NFIB: variants seen among roughly 807,000 people sequenced by gnomAD.
NFIB encodes the protein nuclear factor I B.
Under a neutral mutation model 61.5 loss-of-function variants are expected in NFIB, and 11 were observed. The ratio of observed to expected loss-of-function variants is 0.18; its 90% CI spans 0.11 to 0.30. The LOEUF is 0.30. Ranked by LOEUF, NFIB falls within the 10% of genes least tolerant of loss-of-function variation. NFIB has a pLI of 1.00. For synonymous variants in NFIB, 260 were observed against 216.5 expected, an observed-to-expected ratio of 1.20 and a Z score of -1.76; for missense variants, 471 against 608.9, an observed-to-expected ratio of 0.77 and a Z score of 2.38.
chr9:14,499,964 A>G, the NFIB span, among the ~76,000 whole-genome samples: 1 of 152,188 alleles, frequency 6.6e-6, no homozygotes, highest in African/African-American at 2.4e-5. Context: ...ATGAGAAGCA[A>G]CTCAGCTGAA....
chr9:14,101,719 ATACT>A lies in NFIB; in HGVS notation c.1467+11276_1467+11279del, dbSNP rs774821233. ...ATACATAAGCGCAGCTGACTTTGAA[ATACT>A]TACTTTCTAAAGGCAATGCATGAAA... On this transcript the variant is annotated intron_variant, in intron 10 of 10. Coordinates refer to ENST00000380953, the MANE Select transcript of NFIB (RefSeq NM_001190737.2). 1.7e-4 allele frequency among the ~76,000 whole-genome samples: 26 copies of A among 152,368 alleles called. No homozygotes were observed. The East Asian group carries it at 1.7e-3, about 10-fold the overall frequency.
At chr9:14,351,602 T>A (rs922737669) in intron 1 of NFIB, among the ~76,000 whole-genome samples, 2 of 152,240 alleles carry the variant, frequency 1.3e-5, no homozygotes, top group African/African-American at 4.8e-5. Flanking sequence ...ATTTCTGTAC[T>A]TGCTTTAGAA....
chr9:14,103,630 G>A (rs2036097692), intron 10 of NFIB, among the ~76,000 whole-genome samples: 1 of 152,150 alleles, frequency 6.6e-6, no homozygotes, highest in South Asian at 2.1e-4. Context: ...TCGAGCTTCT[G>A]CACACACTAA....
chr9:14,275,178 T>C (rs1563966174), intron 2 of NFIB, among the ~76,000 whole-genome samples: 1 of 152,180 alleles, frequency 6.6e-6, no homozygotes, highest in Non-Finnish European at 1.5e-5. Flanking sequence ...GGAGTTGTTT[T>C]ACGTGGACAA....
the NFIB span, among the ~76,000 whole-genome samples, chr9:14,472,796 G>T: frequency 6.6e-6 from 1 of 151,882 alleles, no homozygotes; most frequent in African/African-American, 2.4e-5. Context: ...AGCCGAGATC[G>T]AGCCAACGCA....
chr9:14,284,881 T>C (rs1214729303), intron 2 of NFIB, among the ~76,000 whole-genome samples: 1 of 152,212 alleles, frequency 6.6e-6, no homozygotes, highest in Non-Finnish European at 1.5e-5. Context: ...GTATGGCTCT[T>C]GACTTGCTTA....
intron 2 of NFIB, among the ~76,000 whole-genome samples, chr9:14,208,766 G>C (rs761539877): frequency 1.3e-5 from 2 of 151,952 alleles, no homozygotes; most frequent in African/African-American, 2.4e-5. Context: ...TCTATTCAGA[G>C]GACAAAGCAT....
intron 2 of NFIB, among the ~76,000 whole-genome samples, chr9:14,216,385 G>A (rs1361113471): frequency 1.3e-5 from 2 of 152,104 alleles, no homozygotes; most frequent in Non-Finnish European, 2.9e-5. Context: ...TGTGGATGAA[G>A]TAGAAACTAA....
intron 2 of NFIB, among the ~76,000 whole-genome samples, chr9:14,191,515 C>T (rs1323853352): frequency 2.0e-5 from 3 of 152,092 alleles, no homozygotes; most frequent in African/African-American, 7.2e-5. Flanking sequence ...TATACTGGTG[C>T]AGAGCTATGT....
the NFIB span, among the ~76,000 whole-genome samples, chr9:14,434,385 C>T: frequency 6.6e-6 from 1 of 152,188 alleles, no homozygotes; most frequent in African/African-American, 2.4e-5. Context: ...CATTGAATAA[C>T]ATATGAGTCT....
chr9:14,383,325 C>G (rs1276357809), intron 1 of NFIB, among the ~76,000 whole-genome samples: 1 of 152,142 alleles, frequency 6.6e-6, no homozygotes, highest in Non-Finnish European at 1.5e-5. Context: ...TCCTAGTACA[C>G]TATTGATTAT....
the NFIB span, among the ~76,000 whole-genome samples, chr9:14,468,297 C>T: frequency 6.6e-6 from 1 of 152,136 alleles, no homozygotes; most frequent in Non-Finnish European, 1.5e-5. Flanking sequence ...AGACAAAATG[C>T]TTGTAAAATG....
At chr9:14,133,992 A>C (rs2130969733) in intron 6 of NFIB, among the ~76,000 whole-genome samples, 1 of 152,250 alleles carries the variant, frequency 6.6e-6, no homozygotes, top group East Asian at 1.9e-4. Context: ...TTTGTACAAT[A>C]CCCTCTCAAT....
At chr9:14,448,443 T>C in the NFIB span, among the ~76,000 whole-genome samples, 1 of 152,170 alleles carries the variant, frequency 6.6e-6, no homozygotes, top group Non-Finnish European at 1.5e-5. Flanking sequence ...ATTCTAAGAG[T>C]TGAAAGGGAT....
At chr9:14,328,616 T>C (rs2060783872) in intron 1 of NFIB, among the ~76,000 whole-genome samples, 1 of 152,050 alleles carries the variant, frequency 6.6e-6, no homozygotes, top group African/African-American at 2.4e-5. Context: ...ATATCTGGTA[T>C]CTGCTTATAT....
intron 2 of NFIB, among the ~76,000 whole-genome samples, chr9:14,222,685 C>T (rs1254065623): frequency 1.3e-5 from 2 of 148,968 alleles, no homozygotes; most frequent in African/African-American, 4.9e-5. Context: ...GTCCCAGCCA[C>T]TTGGGAGGCT....
chr9:14,441,517 C>T, the NFIB span, among the ~76,000 whole-genome samples: 1 of 152,124 alleles, frequency 6.6e-6, no homozygotes, highest in African/African-American at 2.4e-5. Context: ...ATATCAAAAC[C>T]CATACTTTAT....
At chr9:14,371,330 A>T (rs1244935608) in intron 1 of NFIB, among the ~76,000 whole-genome samples, 1 of 152,222 alleles carries the variant, frequency 6.6e-6, no homozygotes, top group Non-Finnish European at 1.5e-5. Flanking sequence ...TACTAAAAAT[A>T]ATCTAAGTTC....
At chr9:14,327,150 G>A (rs1012148014) in intron 1 of NFIB, among the ~76,000 whole-genome samples, 13 of 152,058 alleles carry the variant, frequency 8.5e-5, no homozygotes, top group Non-Finnish European at 5.9e-5. Context: ...TGGCAATCCA[G>A]AAATTAGTGA....
Sources: allele counts gnomAD v4.1 joint callset (sites outside exome capture counted in the v4.1 genomes callset), GRCh38; gene constraint gnomAD v4.1.1; transcripts MANE v1.5; gene names NCBI Gene and HGNC (gene_info 2026-07-23, HGNC 2026-07-21).